Variants in MEGF10 observed in about 807,000 individuals in gnomAD.
MEGF10 encodes multiple EGF like domains 10, also known as multiple epidermal growth factor-like domains protein 10.
A neutral mutation model predicts 147.5 loss-of-function variants in MEGF10; 86 were observed. That is an observed-to-expected ratio of 0.58 (90% CI 0.49 to 0.70). MEGF10 has a LOEUF of 0.70. Among genes scored for constraint, MEGF10 ranks in the 30% least tolerant of loss-of-function variants. The pLI is 0.00. For missense variants in MEGF10, 1,329 were observed against 1,487.3 expected (o/e 0.89, Z 1.75); for synonymous variants, 478 against 525.5 (o/e 0.91, Z 1.24).
intron 7 of MEGF10, among the ~76,000 whole-genome samples, chr5:127,402,225 A>G (rs1284725802): frequency 3.3e-5 from 5 of 152,210 alleles, no homozygotes; most frequent in Non-Finnish European, 5.9e-5. Context: ...GAGGATTTAT[A>G]CATTCCTTAG....
chr5:127,289,664 A>G (rs1554086906), upstream of MEGF10, among the ~76,000 whole-genome samples: 1 of 152,218 alleles, frequency 6.6e-6, no homozygotes, highest in Non-Finnish European at 1.5e-5. Flanking sequence ...GGGGCTTCAA[A>G]CATATCTATG....
intron 9 of MEGF10, 55 bp from the exon 10 acceptor site, chr5:127,417,583 G>T: frequency 1.3e-6 from 2 of 1,556,446 alleles, no homozygotes; most frequent in Non-Finnish European, 1.8e-6. Context: ...TTGCACAGAA[G>T]TTGGGTGTCA....
intron 13 of MEGF10, chr5:127,424,205 G>T: frequency 1.7e-6 from 1 of 592,016 alleles, no homozygotes; most frequent in Non-Finnish European, 3.0e-6. Context: ...TTTATTTCTG[G>T]ACTCCGTATT....
chr5:127,378,859 T>G (rs192836924), intron 5 of MEGF10, among the ~76,000 whole-genome samples: 12 of 141,210 alleles, frequency 8.5e-5, no homozygotes, highest in African/African-American at 2.6e-4. Context: ...TGTTTTTGGT[T>G]TTTTTTTTTT....
At chr5:127,371,329 G>C (rs952054023) in intron 5 of MEGF10, among the ~76,000 whole-genome samples, 1 of 151,856 alleles carries the variant, frequency 6.6e-6, no homozygotes, top group African/African-American at 2.4e-5. Context: ...AAATCAGGAG[G>C]AGAGTGGGCA....
Position 127,365,818 on chromosome 5 carries a change from T to C in MEGF10, c.320-4092T>C, listed in dbSNP as rs1487277055. ...ATATTGGATAGATTATCTTTGCTTG[T>C]TATTCTAGTTTTAATTGCCCTTTTA... On this transcript the variant is annotated intron_variant, in intron 4 of 24. Coordinates refer to ENST00000503335, the MANE Select transcript of MEGF10 (RefSeq NM_001256545.2). 2.0e-5 allele frequency among the ~76,000 whole-genome samples: 3 copies of C among 152,210 alleles called. No homozygotes were observed. The East Asian group carries it at 5.8e-4, about 29-fold the overall frequency.
At chr5:127,325,779 A>G (rs914863319) in intron 1 of MEGF10, among the ~76,000 whole-genome samples, 1 of 151,072 alleles carries the variant, frequency 6.6e-6, no homozygotes, top group Non-Finnish European at 1.5e-5. Flanking sequence ...TTTTGTGGAG[A>G]TGGGGCTTGT....
chr5:127,285,089 C>G, the MEGF10 span, among the ~76,000 whole-genome samples: 1 of 152,138 alleles, frequency 6.6e-6, no homozygotes, highest in African/African-American at 2.4e-5. Flanking sequence ...AATGACTGTA[C>G]TACAGGATGT....
chr5:127,420,895 T>C (rs1346746451), intron 12 of MEGF10, among the ~76,000 whole-genome samples: 1 of 152,202 alleles, frequency 6.6e-6, no homozygotes, highest in Admixed American at 6.5e-5. Context: ...TTAGGCATTC[T>C]CTCTGTGGTG....
chr5:127,320,274 A>G (rs1423502232), intron 1 of MEGF10, among the ~76,000 whole-genome samples: 2 of 152,200 alleles, frequency 1.3e-5, no homozygotes, highest in Non-Finnish European at 2.9e-5. Flanking sequence ...CCATGGCATC[A>G]GGTCCTGAAT....
intron 4 of MEGF10, among the ~76,000 whole-genome samples, chr5:127,362,016 A>T (rs1328194783): frequency 1.3e-5 from 2 of 152,140 alleles, no homozygotes; most frequent in East Asian, 3.8e-4. Context: ...GGAGCGTACT[A>T]TAAATATTAA....
chr5:127,441,171 C>G (rs1433053045), intron 18 of MEGF10, among the ~76,000 whole-genome samples: 3 of 152,194 alleles, frequency 2.0e-5, no homozygotes, highest in Non-Finnish European at 4.4e-5. Flanking sequence ...TGTGGCTGCT[C>G]AGAGCCTTAA....
At chr5:127,232,546 G>A in the MEGF10 span, among the ~76,000 whole-genome samples, 2 of 152,304 alleles carry the variant, frequency 1.3e-5, no homozygotes, top group African/African-American at 4.8e-5. Context: ...AACAGTCACT[G>A]TCTTTAGGAT....
At chr5:127,370,884 A>G (rs1762821522) in intron 5 of MEGF10, among the ~76,000 whole-genome samples, 1 of 152,232 alleles carries the variant, frequency 6.6e-6, no homozygotes, top group Non-Finnish European at 1.5e-5. Context: ...ATTTTGAAAA[A>G]GGAAGCCATC....
chr5:127,385,012 A>G (rs1375475191), intron 5 of MEGF10, among the ~76,000 whole-genome samples: 1 of 152,216 alleles, frequency 6.6e-6, no homozygotes, highest in African/African-American at 2.4e-5. Flanking sequence ...GAAAGGGTGT[A>G]TGTTTCAGGA....
At chr5:127,358,757 G>T (rs1298705390) in intron 4 of MEGF10, among the ~76,000 whole-genome samples, 6 of 152,124 alleles carry the variant, frequency 3.9e-5, no homozygotes, top group African/African-American at 1.2e-4. Context: ...CAGACCTGTT[G>T]TAGGTTCAGT....
intron 23 of MEGF10, 25 bp downstream of exon 23, chr5:127,454,635 A>T (rs1474667789): frequency 6.3e-7 from 1 of 1,590,494 alleles, no homozygotes; most frequent in Non-Finnish European, 8.5e-7. Context: ...TGAAGAAGAA[A>T]TCAGAAGCAC....
the MEGF10 span, among the ~76,000 whole-genome samples, chr5:127,279,931 C>T: frequency 6.6e-6 from 1 of 152,136 alleles, no homozygotes; most frequent in Admixed American, 6.5e-5. Context: ...TCTGATCAAT[C>T]TATTTGTCTT....
At chr5:127,435,300 A>ATTTTT in intron 15 of MEGF10, 61 bp from the exon 16 acceptor site, 10 of 1,599,278 alleles carry the variant, frequency 6.3e-6, no homozygotes, top group Non-Finnish European at 8.5e-6. Flanking sequence ...CTGTGCTAAG[A>ATTTTT]TTCTAGGGTT....
Sources: gnomAD v4.1 joint callset for allele counts (sites outside exome capture counted in the v4.1 genomes callset) on GRCh38, gnomAD v4.1.1 for gene constraint, MANE v1.5 for transcripts, NCBI Gene and HGNC (gene_info 2026-07-23, HGNC 2026-07-21) for gene names.